The following CDKAL1 variants were observed in gnomAD, a reference collection of about 807,000 sequenced individuals.
CDKAL1 encodes threonylcarbamoyladenosine tRNA methylthiotransferase.
Under a neutral mutation model 68.2 loss-of-function variants are expected in CDKAL1, and 32 were observed. That is an observed-to-expected ratio of 0.47 (90% CI 0.35 to 0.63). CDKAL1 has a LOEUF of 0.63. Among genes scored for constraint, CDKAL1 ranks in the 30% least tolerant of loss-of-function variants. The pLI, the probability that CDKAL1 is intolerant of heterozygous loss-of-function variation, is 0.00. For missense variants in CDKAL1, 606 were observed against 696.7 expected (o/e 0.87, Z 1.47); for synonymous variants, 234 against 244.3 (o/e 0.96, Z 0.39).
In CDKAL1 at chr6:21,203,215, A is replaced by ATTTTTTTTT. The variant is rs371165972; in HGVS notation, c.1548+1970_1548+1978dup. Among the ~76,000 whole-genome samples the ATTTTTTTTT allele has an allele frequency of 1.9e-4, 9 of 47,124 alleles. 3 individuals carry two copies. Among genetic ancestry groups the ATTTTTTTTT allele is most frequent in the African/African-American group, 4.4e-4 (5 of 11,370 alleles). 30.9% of individuals were successfully genotyped at this position (47,124 alleles called of 152,430 possible). On this transcript the variant is annotated intron_variant, in intron 15 of 15. Transcript: ENST00000274695. ...TAGGCATGCACCACCATCCTGGCTAATTTTTTTTTTTTTTTTTTTTTTTTT... is the reference window on the plus strand; with the variant it reads ...TAGGCATGCACCACCATCCTGGCTAATTTTTTTTTTTTTTTTTTTTTTTTTTTTTTTTTT...
intron 11 of CDKAL1, among the ~76,000 whole-genome samples, chr6:21,006,921 G>C (rs1398093214): frequency 6.6e-6 from 1 of 151,892 alleles, no homozygotes; most frequent in Admixed American, 6.6e-5. Context: ...TTAATCTCTT[G>C]TGCATTTTTC....
chr6:21,227,693 C>CT (rs11415596), intron 15 of CDKAL1, among the ~76,000 whole-genome samples: 100,283 of 152,116 alleles, frequency 0.66, 34,068 homozygotes, highest in African/African-American at 0.83. Flanking sequence ...ACCAAAATAC[C>CT]TTTATGAATC....
chr6:20,650,028 TGTGCATG>T (rs1768679268), intron 5 of CDKAL1, among the ~76,000 whole-genome samples: 1 of 152,224 alleles, frequency 6.6e-6, no homozygotes, highest in Non-Finnish European at 1.5e-5. Flanking sequence ...TGAACATATG[TGTGCATG>T]TATCTTTTTA....
intron 13 of CDKAL1, among the ~76,000 whole-genome samples, chr6:21,169,322 T>C (rs1024659051): frequency 6.6e-6 from 1 of 152,150 alleles, no homozygotes; most frequent in African/African-American, 2.4e-5. Flanking sequence ...TCTGACAAGA[T>C]GAAAAAGTGA....
intron 4 of CDKAL1, among the ~76,000 whole-genome samples, chr6:20,590,151 G>A (rs1023610049): frequency 3.3e-5 from 5 of 152,050 alleles, no homozygotes; most frequent in African/African-American, 1.2e-4. Flanking sequence ...TGTTAATACT[G>A]TGTTTTAATT....
At chr6:20,924,673 A>G (rs1447392844) in intron 9 of CDKAL1, among the ~76,000 whole-genome samples, 1 of 152,240 alleles carries the variant, frequency 6.6e-6, no homozygotes, top group Non-Finnish European at 1.5e-5. Flanking sequence ...AGCAAGCTGC[A>G]GAAGAAAAGT....
At chr6:20,907,693 C>T (rs764179623) in intron 9 of CDKAL1, among the ~76,000 whole-genome samples, 2 of 152,032 alleles carry the variant, frequency 1.3e-5, no homozygotes, top group Admixed American at 6.5e-5. Context: ...AGCTGAGTGG[C>T]GGCGGGAGGG....
intron 10 of CDKAL1, among the ~76,000 whole-genome samples, chr6:20,992,753 T>G (rs1464178591): frequency 2.6e-5 from 4 of 151,658 alleles, no homozygotes; most frequent in Non-Finnish European, 4.4e-5. Flanking sequence ...AATGTAAAAA[T>G]TAGCCTGGCG....
Position 20,575,687 on chromosome 6 carries a change from G to A in CDKAL1, c.286+26982G>A, listed in dbSNP as rs1008483899. 7.2e-5 allele frequency among the ~76,000 whole-genome samples: 11 copies of A among 152,068 alleles called. No individual in the cohort carries two copies. The East Asian group carries it at 1.2e-3, about 16-fold the overall frequency. ...AGGTCATAGCTTTTAAAAGTTCTTCGAAAATATTTCAGTATAGCACTTGAC... is the reference window on the plus strand; with the variant it reads ...AGGTCATAGCTTTTAAAAGTTCTTCAAAAATATTTCAGTATAGCACTTGAC... On this transcript the variant is annotated intron_variant, in intron 4 of 15. Coordinates refer to ENST00000274695, the MANE Select transcript of CDKAL1 (RefSeq NM_017774.3).
intron 11 of CDKAL1, among the ~76,000 whole-genome samples, chr6:21,009,635 A>G (rs1010535356): frequency 2.0e-5 from 3 of 152,226 alleles, no homozygotes; most frequent in Non-Finnish European, 4.4e-5. Context: ...ATGGTTAAAG[A>G]TATAGCACAC....
intron 11 of CDKAL1, among the ~76,000 whole-genome samples, chr6:21,000,857 G>T (rs1219120631): frequency 6.6e-6 from 1 of 152,226 alleles, no homozygotes; most frequent in African/African-American, 2.4e-5. Flanking sequence ...TTAAAGAATT[G>T]TGATTTACAA....
intron 5 of CDKAL1, among the ~76,000 whole-genome samples, chr6:20,715,153 C>A (rs1294235150): frequency 6.6e-6 from 1 of 152,176 alleles, no homozygotes; most frequent in Non-Finnish European, 1.5e-5. Context: ...CATCTTTCAA[C>A]TTGTTCATCC....
intron 8 of CDKAL1, among the ~76,000 whole-genome samples, chr6:20,790,774 G>A (rs1275335157): frequency 6.6e-6 from 1 of 152,192 alleles, no homozygotes; most frequent in Non-Finnish European, 1.5e-5. Context: ...GATGCAGGGG[G>A]TGGTCCCCCC....
chr6:20,586,594 C>T (rs1019219928), intron 4 of CDKAL1, among the ~76,000 whole-genome samples: 6 of 152,066 alleles, frequency 3.9e-5, no homozygotes, highest in East Asian at 1.9e-4. Flanking sequence ...GCCGAGATCA[C>T]GCCACTGCAC....
chr6:20,639,466 C>G (rs529631517), intron 4 of CDKAL1, among the ~76,000 whole-genome samples: 2 of 152,144 alleles, frequency 1.3e-5, no homozygotes, highest in African/African-American at 4.8e-5. Context: ...TCCTCCTTTT[C>G]CCCCCTTTTT....
At chr6:20,877,272 A>G (rs9368248) in intron 9 of CDKAL1, among the ~76,000 whole-genome samples, 1 of 152,140 alleles carries the variant, frequency 6.6e-6, no homozygotes, top group Non-Finnish European at 1.5e-5. Context: ...TTAAATAAGC[A>G]TGGTGATTCT....
intron 12 of CDKAL1, among the ~76,000 whole-genome samples, chr6:21,089,018 T>C (rs568320155): frequency 1.6e-4 from 25 of 152,340 alleles, no homozygotes; most frequent in African/African-American, 6.0e-4. Context: ...GGATACCGGG[T>C]CATGCACTAT....
intron 8 of CDKAL1, among the ~76,000 whole-genome samples, chr6:20,782,930 A>G (rs1775492026): frequency 1.3e-5 from 2 of 151,318 alleles, no homozygotes; most frequent in Non-Finnish European, 2.9e-5. Context: ...AAAAATGCAG[A>G]TTTTTTTTTC....
chr6:20,885,222 C>CTA (rs1266124517), intron 9 of CDKAL1, among the ~76,000 whole-genome samples: 2 of 152,146 alleles, frequency 1.3e-5, no homozygotes, highest in East Asian at 3.9e-4. Flanking sequence ...CCAAAGCAGT[C>CTA]TTTAAATGGG....
Sources: gnomAD v4.1 joint callset for allele counts (sites outside exome capture counted in the v4.1 genomes callset) on GRCh38, gnomAD v4.1.1 for gene constraint, MANE v1.5 for transcripts, NCBI Gene and HGNC (gene_info 2026-07-23, HGNC 2026-07-21) for gene names.